The following NT5C2 variants were observed in gnomAD, a reference collection of about 807,000 sequenced individuals.
NT5C2 encodes the protein 5'-nucleotidase, cytosolic II.
A neutral mutation model predicts 76.1 loss-of-function variants in NT5C2; 58 were observed. The ratio of observed to expected loss-of-function variants is 0.76; its 90% CI spans 0.62 to 0.95. The LOEUF is 0.95. Among genes scored for constraint, NT5C2 ranks in the 40% least tolerant of loss-of-function variants. NT5C2 has a pLI of 0.00. For synonymous variants in NT5C2, 229 were observed against 237.4 expected, an observed-to-expected ratio of 0.96 and a Z score of 0.32; for missense variants, 478 against 690.3, an observed-to-expected ratio of 0.69 and a Z score of 3.45.
intron 4 of NT5C2, among the ~76,000 whole-genome samples, chr10:103,129,236 TC>T (rs2077414453): frequency 1.1e-5 from 1 of 92,584 alleles, no homozygotes; most frequent in South Asian, 4.9e-4. Context: ...AGCCACCCCG[TC>T]CGGGAGGGAG....
At chr10:103,183,629 T>TATATAC (rs2091603705) in intron 1 of NT5C2, among the ~76,000 whole-genome samples, 1 of 149,612 alleles carries the variant, frequency 6.7e-6, no homozygotes, top group East Asian at 2.0e-4. Flanking sequence ...CATATATATA[T>TATATAC]ATATACATAT....
intron 3 of NT5C2, among the ~76,000 whole-genome samples, chr10:103,151,481 A>C (rs1423460262): frequency 6.7e-6 from 1 of 150,090 alleles, no homozygotes; most frequent in East Asian, 1.9e-4. Context: ...AAAAAAAAAC[A>C]CTAGCCTCTC....
Position 103,139,493 on chromosome 10 carries a change from TA to T in NT5C2, c.102-15del. 1.4e-6 allele frequency: 2 copies of T among 1,475,528 alleles called. No homozygotes were observed. The highest frequency in any genetic ancestry group is 1.2e-5 in the South Asian group (1 of 80,248). 91.4% of individuals were successfully genotyped at this position (1,475,528 alleles called of 1,614,324 possible). On this transcript the variant is annotated splice_polypyrimidine_tract_variant and intron_variant, in intron 3 of 18. Coordinates refer to ENST00000404739, the MANE Select transcript of NT5C2 (RefSeq NM_001351169.2). ...TTCACAAACACCCTATAGAAAATAA[TA>T]AAAAATAATATCTCAACACTGGAAA...
chr10:103,145,768 A>C (rs1202133592), intron 3 of NT5C2, among the ~76,000 whole-genome samples: 2 of 152,172 alleles, frequency 1.3e-5, no homozygotes, highest in Non-Finnish European at 2.9e-5. Context: ...GAACACTCTA[A>C]AACGAAGCAC....
chr10:103,103,081 G>A (rs1375928292), intron 6 of NT5C2, among the ~76,000 whole-genome samples: 1 of 152,074 alleles, frequency 6.6e-6, no homozygotes, highest in African/African-American at 2.4e-5. Flanking sequence ...GAAACTCAAA[G>A]GGAAAAATAC....
intron 3 of NT5C2, among the ~76,000 whole-genome samples, chr10:103,154,875 CA>C (rs1378447084): frequency 6.6e-6 from 1 of 152,126 alleles, no homozygotes; most frequent in East Asian, 1.9e-4. Flanking sequence ...TTAAGGGTGC[CA>C]ACTTCCCATG....
At chr10:103,146,410 C>A (rs1442891116) in intron 3 of NT5C2, 1 of 985,298 alleles carries the variant, frequency 1.0e-6, no homozygotes, top group African/African-American at 1.7e-5. Context: ...AGTATAAAAT[C>A]TTCTTGGGCA....
In NT5C2 at chr10:103,099,974, C is replaced by T. The variant is rs776360114; in HGVS notation, c.585G>A (p.Arg195=). 4.3e-6 allele frequency: 7 copies of T among 1,612,930 alleles called. No individual in the cohort carries two copies. The highest frequency in any genetic ancestry group is 2.7e-5 in the African/African-American group (2 of 74,890). Residue 195 remains arginine (R), a synonymous_variant, in exon 9 of 19, where the codon CGG becomes CGA. Transcript: ENST00000404739. The stretch of plus-strand genomic sequence containing the variant: ...CATCTCTTACATCCTGGAACATACT[C>T]CGGTAGGACATGAAGAGGTCCCCAT... ...FKDGDLFMSY[R]SMFQDVRDAV...
chr10:103,103,688 C>T (rs928094872), intron 6 of NT5C2, among the ~76,000 whole-genome samples: 8 of 152,146 alleles, frequency 5.3e-5, no homozygotes, highest in African/African-American at 1.9e-4. Flanking sequence ...TACTAACTTT[C>T]TGTGACCCAC....
chr10:103,099,822 T>C, intron 9 of NT5C2, 104 bp downstream of exon 9: 6 of 720,750 alleles, frequency 8.3e-6, no homozygotes, highest in Admixed American at 2.4e-5. Context: ...ATCTGTTTTT[T>C]CTTTTTTTAA....
intron 14 of NT5C2, 131 bp from the exon 15 acceptor site, chr10:103,093,440 GACTC>G: frequency 1.3e-6 from 1 of 785,148 alleles, no homozygotes; most frequent in Non-Finnish European, 1.8e-6. Flanking sequence ...AATAGACAAA[GACTC>G]ACCATTCTCT....
chr10:103,093,172 C>T lies in NT5C2; in HGVS notation c.1126G>A (p.Ala376Thr), dbSNP rs867468436. Residue 376 changes from alanine to threonine, a missense_variant, in exon 15 of 19, where the codon GCA (alanine) becomes ACA (threonine). Ala to Thr is a moderately conservative substitution (Grantham distance 58). Coordinates refer to ENST00000404739, the MANE Select transcript of NT5C2 (RefSeq NM_001351169.2). ...WRTFLVIPEL[A>T]QELHVWTDKS... ...TCAGTCCAGACATGTAGCTCCTGTG[C>T]GAGTTCAGGAATCACCAAAAAAGTT... is the stretch of plus-strand genomic sequence containing the variant. 3.1e-6 allele frequency: 5 copies of T among 1,609,026 alleles called. No individual in the cohort carries two copies. Among genetic ancestry groups the T allele is most frequent in the African/African-American group, 1.3e-5 (1 of 74,780 alleles).
chr10:103,160,338 T>C (rs562702139), intron 3 of NT5C2, among the ~76,000 whole-genome samples: 45 of 152,248 alleles, frequency 3.0e-4, no homozygotes, highest in Admixed American at 6.5e-4. Context: ...GAATAAGCAA[T>C]GGTTTCTTAA....
chr10:103,133,466 G>A (rs1163590079), intron 4 of NT5C2, among the ~76,000 whole-genome samples: 1 of 152,072 alleles, frequency 6.6e-6, no homozygotes, highest in African/African-American at 2.4e-5. Context: ...TCACCATGTT[G>A]GCCAGGCAGG....
intron 3 of NT5C2, among the ~76,000 whole-genome samples, chr10:103,151,539 A>G (rs1395648653): frequency 6.6e-6 from 1 of 151,904 alleles, no homozygotes; most frequent in Non-Finnish European, 1.5e-5. Context: ...TTGATTATAT[A>G]TATGTGGGTC....
intron 4 of NT5C2, among the ~76,000 whole-genome samples, chr10:103,119,712 A>G (rs1399712353): frequency 6.6e-6 from 1 of 152,256 alleles, no homozygotes; most frequent in Non-Finnish European, 1.5e-5. Flanking sequence ...CAGCTCAGCT[A>G]ATCTTCCATC....
At chr10:103,092,295 G>A (rs1473460874) in intron 15 of NT5C2, among the ~76,000 whole-genome samples, 1 of 152,204 alleles carries the variant, frequency 6.6e-6, no homozygotes, top group Admixed American at 6.5e-5. Context: ...CCATTGGAAA[G>A]GTAAAATAAT....
intron 3 of NT5C2, 46 bp downstream of exon 3, chr10:103,174,812 C>T: frequency 8.2e-7 from 1 of 1,219,756 alleles, no homozygotes; most frequent in Non-Finnish European, 1.2e-6. Flanking sequence ...AAATGAAGTC[C>T]CACTTCATAG....
chr10:103,106,542 A>C (rs2071324534), intron 5 of NT5C2, 47 bp downstream of exon 5: 1 of 1,147,436 alleles, frequency 8.7e-7, no homozygotes, highest in South Asian at 1.2e-5. Context: ...GGGGTAAGGA[A>C]AGTAGTCTTA....
Sources: allele counts gnomAD v4.1 joint callset (sites outside exome capture counted in the v4.1 genomes callset), GRCh38; gene constraint gnomAD v4.1.1; transcripts MANE v1.5; gene names NCBI Gene and HGNC (gene_info 2026-07-23, HGNC 2026-07-21).